The following MICAL3 variants were observed in gnomAD, a reference collection of about 807,000 sequenced individuals.
MICAL3 encodes microtubule associated monooxygenase, calponin and LIM domain containing 3.
In MICAL3, 62 loss-of-function variants were observed where a neutral mutation model predicts 207.4. The ratio of observed to expected loss-of-function variants is 0.30; its 90% CI spans 0.24 to 0.37. The LOEUF is 0.37. MICAL3 is among the 10% of genes least tolerant of loss of function. The pLI, the probability that MICAL3 is intolerant of heterozygous loss-of-function variation, is 1.00. For synonymous variants in MICAL3, 1,077 were observed against 1,069.3 expected (o/e 1.01, Z -0.14); for missense variants, 2,368 against 2,635.6 (o/e 0.90, Z 2.22).
intron 22 of MICAL3, among the ~76,000 whole-genome samples, chr22:17,824,803 T>G (rs79787827): frequency 0.017 from 2,517 of 152,234 alleles, 66 homozygotes; most frequent in African/African-American, 0.058. Flanking sequence ...AACCTCGGTG[T>G]GAGAACACTG....
At chr22:17,890,382 C>T (rs1930300304) in intron 12 of MICAL3, among the ~76,000 whole-genome samples, 1 of 152,160 alleles carries the variant, frequency 6.6e-6, no homozygotes, top group South Asian at 2.1e-4. Flanking sequence ...ACCACTTCTG[C>T]CTGTTCCCTT....
At chr22:17,897,664 C>G (rs1263983533) in intron 7 of MICAL3, among the ~76,000 whole-genome samples, 3 of 152,024 alleles carry the variant, frequency 2.0e-5, no homozygotes, top group African/African-American at 4.8e-5. Flanking sequence ...TCAAATGGGA[C>G]CACGTGAAAC....
At chr22:18,008,484 T>G (rs1923541709) in intron 1 of MICAL3, among the ~76,000 whole-genome samples, 1 of 152,210 alleles carries the variant, frequency 6.6e-6, no homozygotes, top group Non-Finnish European at 1.5e-5. Context: ...CAGAGTGGTT[T>G]AGAACAAATT....
In MICAL3 at chr22:17,904,750, T is replaced by C; in HGVS notation, c.354A>G (p.Arg118=). The change falls in exon 3 of 32, where the codon CGA becomes CGG. Residue 118 remains arginine, a synonymous_variant. Coordinates refer to ENST00000441493, the MANE Select transcript of MICAL3 (RefSeq NM_015241.3). ...LGAKVVVIEK[R]DAFSRNNVLH... ...AGACGTTGTTGCGGGAGAAGGCATC[T>C]CGTTTCTCAATAACAACCACCTTGG... 1 of 1,613,914 alleles carries C rather than the reference T, an allele frequency of 6.2e-7. No individual in the cohort carries two copies. Among genetic ancestry groups the C allele is most frequent in the Non-Finnish European group, 8.5e-7 (1 of 1,179,796 alleles).
In MICAL3 at chr22:17,790,936, T is replaced by G; in HGVS notation, c.5825-20A>C. On this transcript the variant is annotated intron_variant, in intron 31 of 31. Coordinates refer to ENST00000441493, the MANE Select transcript of MICAL3 (RefSeq NM_015241.3). ...GGTGATCTTGAAGGAGAAGAAGGCA[T>G]GAGGTGAGGGGCCTGGAGGTGGCAC... 6.2e-7 allele frequency: 1 copy of G among 1,613,426 alleles called. No homozygotes were observed. The highest frequency in any genetic ancestry group is 8.5e-7 in the Non-Finnish European group (1 of 1,179,838).
Position 17,918,567 on chromosome 22 carries a change from G to A in MICAL3, c.-74-11681C>T, listed in dbSNP as rs116879499. 4.3e-3 allele frequency among the ~76,000 whole-genome samples: 649 copies of A among 152,100 alleles called. 3 individuals carry two copies. Among genetic ancestry groups the A allele is most frequent in the Non-Finnish European group, 4.9e-3 (333 of 67,994 alleles). On this transcript the variant is annotated intron_variant, in intron 1 of 31. Transcript: ENST00000441493. ...GGCCACTGTACACACCTGGGCAAACGAGGGTGGGAAAAGCACATAATAGCA... is the reference window on the plus strand; with the variant it reads ...GGCCACTGTACACACCTGGGCAAACAAGGGTGGGAAAAGCACATAATAGCA...
At chr22:17,802,552 G>A (rs1266916217) in intron 29 of MICAL3, among the ~76,000 whole-genome samples, 3 of 148,840 alleles carry the variant, frequency 2.0e-5, no homozygotes, top group East Asian at 3.9e-4. Flanking sequence ...CTCCAAGGGC[G>A]TGGGTCCGTG....
At chr22:17,971,188 G>T (rs9617647) in intron 1 of MICAL3, among the ~76,000 whole-genome samples, 7,593 of 151,376 alleles carry the variant, frequency 0.05, 355 homozygotes, top group African/African-American at 0.12. Context: ...GAAAAAAAGG[G>T]GGGGGCTGGG....
intron 1 of MICAL3, among the ~76,000 whole-genome samples, chr22:17,922,831 G>A (rs1487685596): frequency 1.3e-5 from 2 of 152,130 alleles, no homozygotes; most frequent in East Asian, 3.9e-4. Flanking sequence ...TAGCTCCAAG[G>A]CCATGGTTTT....
At chr22:17,938,471 C>T (rs1933652000) in intron 1 of MICAL3, among the ~76,000 whole-genome samples, 1 of 152,176 alleles carries the variant, frequency 6.6e-6, no homozygotes, top group Non-Finnish European at 1.5e-5. Context: ...TGCCTTTTCC[C>T]TACGCTGCTG....
intron 20 of MICAL3, among the ~76,000 whole-genome samples, chr22:17,837,926 CTT>C (rs1237230609): frequency 3.3e-5 from 5 of 152,338 alleles, no homozygotes; most frequent in Middle Eastern, 3.4e-3. Flanking sequence ...AAGCGATCCT[CTT>C]GCTTCAGCCT....
intron 1 of MICAL3, among the ~76,000 whole-genome samples, chr22:17,953,974 AAAAAGAAAAAGAAAAGG>A (rs1934489236): frequency 6.9e-6 from 1 of 145,668 alleles, no homozygotes; most frequent in South Asian, 2.1e-4. Flanking sequence ...AAAAGAAAAG[AAAAAGAAAAAGAAAAGG>A]AAGAGTTTAT....
chr22:17,897,004 G>A lies in MICAL3; in HGVS notation c.949-23C>T, dbSNP rs753919304. 6.3e-6 allele frequency: 10 copies of A among 1,594,804 alleles called. No individual in the cohort carries two copies. The South Asian group carries it at 1.1e-4, about 18-fold the overall frequency. On this transcript the variant is annotated intron_variant, in intron 7 of 31. Coordinates refer to ENST00000441493, the MANE Select transcript of MICAL3 (RefSeq NM_015241.3). ...GTCCTGTCTCCAGAGAAAGAGGAGG[G>A]TAGGGATGGAGAAGCTCTGGCACTC...
intron 19 of MICAL3, among the ~76,000 whole-genome samples, chr22:17,844,313 G>C (rs1311126199): frequency 1.3e-5 from 2 of 152,204 alleles, no homozygotes; most frequent in African/African-American, 2.4e-5. Context: ...CCAGTGTTGA[G>C]AGACAGGTGG....
At chr22:17,856,407 T>C (rs1925893746) in intron 19 of MICAL3, among the ~76,000 whole-genome samples, 1 of 152,122 alleles carries the variant, frequency 6.6e-6, no homozygotes. Context: ...CTTACCTCCC[T>C]GGCCCTTCAT....
chr22:17,912,378 A>C (rs994189104), intron 1 of MICAL3, among the ~76,000 whole-genome samples: 2 of 152,120 alleles, frequency 1.3e-5, no homozygotes, highest in Non-Finnish European at 2.9e-5. Context: ...TAAAAAAAAA[A>C]AAAAAATCAT....
At chr22:17,904,944 C>T (rs961380964) in intron 2 of MICAL3, 105 bp from the exon 3 acceptor site, 1 of 822,956 alleles carries the variant, frequency 1.2e-6, no homozygotes, top group Non-Finnish European at 2.0e-6. Flanking sequence ...CGAAATAGGG[C>T]TATTCTCCCC....
chr22:17,817,633 C>A lies in MICAL3; in HGVS notation c.5028G>T (p.Pro1676=), dbSNP rs374659532. The change falls in exon 26 of 32, where the codon CCG becomes CCT. Residue 1676 remains proline (P), a synonymous_variant. Transcript: ENST00000441493. ...EATSEEVLSP[P]SDSGGPDGSF... ...AGCCATCTGGGCCCCCTGAGTCCGA[C>A]GGCGGGGAGAGGACCTCCTCGCTGG... is the stretch of plus-strand genomic sequence containing the variant. 1 of 1,613,034 alleles carries A rather than the reference C, an allele frequency of 6.2e-7. No homozygotes were observed. The highest frequency in any genetic ancestry group is 8.5e-7 in the Non-Finnish European group (1 of 1,179,844).
At chr22:17,889,511 T>G (rs974693136) in intron 12 of MICAL3, among the ~76,000 whole-genome samples, 1 of 152,104 alleles carries the variant, frequency 6.6e-6, no homozygotes, top group Non-Finnish European at 1.5e-5. Context: ...TAACACAAAT[T>G]TACTACTAAA....
Sources: gnomAD v4.1 joint callset for allele counts (sites outside exome capture counted in the v4.1 genomes callset) on GRCh38, gnomAD v4.1.1 for gene constraint, MANE v1.5 for transcripts, NCBI Gene and HGNC (gene_info 2026-07-23, HGNC 2026-07-21) for gene names.